KBTBD12: variants seen among roughly 807,000 people sequenced by gnomAD.
The protein encoded by KBTBD12 is kelch repeat and BTB domain-containing protein 12.
Under a neutral mutation model 58.7 loss-of-function variants are expected in KBTBD12, and 53 were observed. That is an observed-to-expected ratio of 0.90 (90% CI 0.72 to 1.14). The LOEUF (loss-of-function observed/expected upper bound fraction) is 1.14. Among genes scored for constraint, KBTBD12 ranks in the 50% most tolerant of loss-of-function variants. The pLI, the probability that KBTBD12 is intolerant of heterozygous loss-of-function variation, is 0.00. For synonymous variants in KBTBD12, 236 were observed against 259.8 expected (o/e 0.91, Z 0.88); for missense variants, 704 against 751.3 (o/e 0.94, Z 0.74).
intron 5 of KBTBD12, 103 bp from the exon 6 acceptor site, chr3:127,983,994 C>A: frequency 1.2e-6 from 1 of 869,124 alleles, no homozygotes; most frequent in Non-Finnish European, 1.9e-6. Flanking sequence ...AGCAAGTGGA[C>A]TAAGACATTG....
rs1484434994 is a variant in KBTBD12, at chr3:127,986,569, A to G, written c.*2291A>G. On this transcript the variant is annotated 3_prime_UTR_variant, in exon 6 of 6. Coordinates refer to ENST00000405109, the MANE Select transcript of KBTBD12 (RefSeq NM_207335.4). The stretch of plus-strand genomic sequence containing the variant: ...AGTGGCACGATCTCAGCCCACTGCA[A>G]CCTCCGCCTCCCAGGTTCAAGTGAT... The G allele has an allele frequency of 6.6e-6, 1 of 151,310 alleles. No individual in the cohort carries two copies. The highest frequency in any genetic ancestry group is 1.5e-5 in the Non-Finnish European group (1 of 67,958). 9.4% of individuals were successfully genotyped at this position (151,310 alleles called of 1,614,324 possible).
chr3:127,959,941 G>A lies in KBTBD12; in HGVS notation c.1493-3248G>A, dbSNP rs544198611. ...GCTTTTTCCAAGGCACGTGGGTGCC[G>A]ACAATAGTAAATATATGTACATTTT... On this transcript the variant is annotated intron_variant, in intron 4 of 5. Transcript: ENST00000405109. Among the ~76,000 whole-genome samples the A allele has an allele frequency of 5.3e-5, 8 of 152,204 alleles. 1 individual carries two copies. In the South Asian group the frequency reaches 1.2e-3, roughly 24 times the overall value.
chr3:127,938,836 T>C (rs1394933297), intron 4 of KBTBD12, among the ~76,000 whole-genome samples: 1 of 152,194 alleles, frequency 6.6e-6, no homozygotes, highest in African/African-American at 2.4e-5. Flanking sequence ...TCTCTCCCAC[T>C]GAATACAACT....
rs1345299250 is a variant in KBTBD12 at position 127,987,134 on chromosome 3, G to A, written c.*2856G>A. Reference sequence around the variant, plus strand: ...GCTGGCTTAGCACTGAAGGGAAGCAGGCATCAAGGGCAGGATTTCTCAAAC... The same window carrying A: ...GCTGGCTTAGCACTGAAGGGAAGCAAGCATCAAGGGCAGGATTTCTCAAAC... On this transcript the variant is annotated 3_prime_UTR_variant, in exon 6 of 6. Transcript: ENST00000405109. 1.3e-5 allele frequency: 2 copies of A among 152,238 alleles called. No individual in the cohort carries two copies. The highest frequency in any genetic ancestry group is 1.3e-4 in the Admixed American group (2 of 15,282). The allele number at this position is 152,238 out of a possible 1,614,324, so 9.4% of individuals were successfully genotyped here.
chr3:127,958,841 G>T (rs62271662), intron 4 of KBTBD12, among the ~76,000 whole-genome samples: 1 of 152,146 alleles, frequency 6.6e-6, no homozygotes. Flanking sequence ...GGCTATGAAG[G>T]CCAGCAGATA....
intron 5 of KBTBD12, among the ~76,000 whole-genome samples, chr3:127,969,798 T>C (rs1053812113): frequency 6.6e-6 from 1 of 152,168 alleles, no homozygotes; most frequent in African/African-American, 2.4e-5. Flanking sequence ...TCCTGCCTCT[T>C]ACCATGTACA....
intron 4 of KBTBD12, among the ~76,000 whole-genome samples, chr3:127,933,274 A>T (rs563702089): frequency 6.6e-6 from 1 of 152,300 alleles, no homozygotes; most frequent in Non-Finnish European, 1.5e-5. Flanking sequence ...ACCCCAGCTC[A>T]TTCAACATGG....
Position 127,923,691 on chromosome 3 carries a change from A to C in KBTBD12, c.630A>C (p.Thr210=). 6.2e-7 allele frequency: 1 copy of C among 1,613,890 alleles called. No individual in the cohort carries two copies. The highest frequency in any genetic ancestry group is 8.5e-7 in the Non-Finnish European group (1 of 1,179,832). Residue 210 remains threonine, a synonymous_variant, in exon 2 of 6, where the codon ACA becomes ACC. Transcript: ENST00000405109. ...RWVNHNKELR[T]VHLVELLKQV... ...TAAATCATAACAAAGAATTGCGTAC[A>C]GTGCATCTTGTTGAGCTTTTGAAGC...
At chr3:127,953,243 T>C (rs1369653480) in intron 4 of KBTBD12, among the ~76,000 whole-genome samples, 1 of 152,212 alleles carries the variant, frequency 6.6e-6, no homozygotes, top group African/African-American at 2.4e-5. Flanking sequence ...CAGCCCGTCA[T>C]CTTATTGTTA....
chr3:127,978,927 G>T (rs1940830784), intron 5 of KBTBD12, among the ~76,000 whole-genome samples: 1 of 152,178 alleles, frequency 6.6e-6, no homozygotes, highest in East Asian at 1.9e-4. Flanking sequence ...CAGACAGGAG[G>T]GAGCTCAAGA....
In KBTBD12 at chr3:127,923,823, C is replaced by A; in HGVS notation, c.762C>A (p.Phe254Leu). The change falls in exon 2 of 6, where the codon TTC becomes TTA. Residue 254 changes from phenylalanine (F) to leucine (L), a missense_variant. Coordinates refer to ENST00000405109, the MANE Select transcript of KBTBD12 (RefSeq NM_207335.4). ...GTGTTGACATAATTCAAAATGCATT[C>A]AAAGCCATCAAGACACCCCAACAGC... ...ADCVDIIQNA[F>L]KAIKTPQQHS... 6.2e-7 allele frequency: 1 copy of A among 1,613,886 alleles called. No individual in the cohort carries two copies. The highest frequency in any genetic ancestry group is 8.5e-7 in the Non-Finnish European group (1 of 1,179,844).
intron 4 of KBTBD12, among the ~76,000 whole-genome samples, chr3:127,957,059 G>A (rs971369429): frequency 3.3e-5 from 5 of 152,040 alleles, no homozygotes; most frequent in African/African-American, 9.7e-5. Context: ...GGAAAATATC[G>A]ATTACCAAAA....
chr3:127,947,314 G>A (rs886516655), intron 4 of KBTBD12, among the ~76,000 whole-genome samples: 1 of 152,090 alleles, frequency 6.6e-6, no homozygotes, highest in African/African-American at 2.4e-5. Flanking sequence ...AGGGTAAGTT[G>A]CAGCCTTAAT....
At chr3:127,942,135 A>G (rs933716347) in intron 4 of KBTBD12, among the ~76,000 whole-genome samples, 7 of 152,212 alleles carry the variant, frequency 4.6e-5, no homozygotes, top group Non-Finnish European at 8.8e-5. Flanking sequence ...AAAGGGGTTT[A>G]GTGTAGTCAG....
intron 1 of KBTBD12, among the ~76,000 whole-genome samples, chr3:127,917,569 C>T (rs930072740): frequency 6.6e-6 from 1 of 152,176 alleles, no homozygotes; most frequent in South Asian, 2.1e-4. Flanking sequence ...AGTCCCAATG[C>T]TCTAATCCTG....
chr3:127,941,454 C>T (rs1397380436), intron 4 of KBTBD12, among the ~76,000 whole-genome samples: 1 of 152,136 alleles, frequency 6.6e-6, no homozygotes, highest in African/African-American at 2.4e-5. Context: ...GCCTAAAAAT[C>T]ATTTGAAAGA....
chr3:127,983,508 A>G (rs548687037), intron 5 of KBTBD12, among the ~76,000 whole-genome samples: 2 of 152,230 alleles, frequency 1.3e-5, no homozygotes, highest in South Asian at 4.1e-4. Context: ...TAATCCCAGC[A>G]CTTTGGGAGG....
At position 127,930,200 on chromosome 3, in the gene KBTBD12, A is replaced by T; in HGVS notation, c.1409A>T (p.Asp470Val). 6.2e-7 allele frequency: 1 copy of T among 1,607,966 alleles called. No individual in the cohort carries two copies. The highest frequency in any genetic ancestry group is 8.5e-7 in the Non-Finnish European group (1 of 1,176,932). The change falls in exon 4 of 6, where the codon GAT becomes GTT. Residue 470 changes from aspartate to valine, a missense_variant. Transcript: ENST00000405109. ...CTGTTGCAGTATGACCCCAGCCAAG[A>T]TCAATGGAGTGTGCGGGCACCCATG... ...NKLLQYDPSQ[D>V]QWSVRAPMKY...
At position 127,923,661 on chromosome 3, in the gene KBTBD12, A is replaced by T. The variant is rs777975036; in HGVS notation, c.600A>T (p.Arg200Ser). 6.2e-7 allele frequency: 1 copy of T among 1,613,660 alleles called. No homozygotes were observed. The highest frequency in any genetic ancestry group is 1.3e-5 in the African/African-American group (1 of 74,922). Residue 200 changes from arginine (R) to serine (S), a missense_variant, in exon 2 of 6, where the codon AGA becomes AGT. Coordinates refer to ENST00000405109, the MANE Select transcript of KBTBD12 (RefSeq NM_207335.4). ...REESILDLVL[R>S]WVNHNKELRT... Reference sequence around the variant, plus strand: ...AGAGCATTCTGGACTTAGTTCTGAGATGGGTAAATCATAACAAAGAATTGC... The same window carrying T: ...AGAGCATTCTGGACTTAGTTCTGAGTTGGGTAAATCATAACAAAGAATTGC...
Sources: allele counts gnomAD v4.1 joint callset (sites outside exome capture counted in the v4.1 genomes callset), GRCh38; gene constraint gnomAD v4.1.1; transcripts MANE v1.5; gene names NCBI Gene and HGNC (gene_info 2026-07-23, HGNC 2026-07-21).